The following NIPAL3 variants were observed in gnomAD, a reference collection of about 807,000 sequenced individuals.
The protein encoded by NIPAL3 is NIPA like domain containing 3, also known as NIPA-like protein 3.
A neutral mutation model predicts 47.2 loss-of-function variants in NIPAL3; 41 were observed. The ratio of observed to expected loss-of-function variants is 0.87; its 90% CI spans 0.68 to 1.13. The LOEUF (loss-of-function observed/expected upper bound fraction) is 1.13, where lower values mean the gene tolerates loss of function less well. NIPAL3 is among the 50% of genes most tolerant of loss of function. The probability of loss-of-function intolerance (pLI) is 0.00; values close to 1 mark genes in which losing one functional copy is unlikely to be tolerated. For missense variants in NIPAL3, 449 were observed against 530.1 expected, an observed-to-expected ratio of 0.85 and a Z score of 1.50; for synonymous variants, 194 against 209.6, an observed-to-expected ratio of 0.93 and a Z score of 0.64.
chr1:24,437,480 C>T (rs1474837594), intron 2 of NIPAL3, among the ~76,000 whole-genome samples: 1 of 152,158 alleles, frequency 6.6e-6, no homozygotes, highest in Non-Finnish European at 1.5e-5. Flanking sequence ...ATAAACATGT[C>T]CCAAAATGCT....
At chr1:24,413,929 G>A (rs1318696138), upstream of NIPAL3, 2 of 152,214 alleles carry the variant, frequency 1.3e-5, no homozygotes, top group African/African-American at 4.8e-5. Context: ...CTAATAAGAG[G>A]TTTATCTAGG....
At chr1:24,425,298 CATT>C (rs1429143397) in intron 2 of NIPAL3, among the ~76,000 whole-genome samples, 1 of 148,778 alleles carries the variant, frequency 6.7e-6, no homozygotes, top group African/African-American at 2.5e-5. Context: ...TTTCTTAAAA[CATT>C]ATGAGATTTT....
At chr1:24,463,005 AC>A (rs1240000085) in intron 10 of NIPAL3, among the ~76,000 whole-genome samples, 1 of 151,598 alleles carries the variant, frequency 6.6e-6, no homozygotes, top group African/African-American at 2.4e-5. Flanking sequence ...TACTAAAAAT[AC>A]AAAATACAAA....
chr1:24,469,083 G>A lies in NIPAL3; in HGVS notation c.1119G>A (p.Glu373=). The A allele has an allele frequency of 6.2e-7, 1 of 1,614,122 alleles. No individual in the cohort carries two copies. Among genetic ancestry groups the A allele is most frequent in the Non-Finnish European group, 8.5e-7 (1 of 1,180,026 alleles). The change falls in exon 12 of 12, where the codon GAG becomes GAA. Residue 373 remains glutamate, a synonymous_variant. Transcript: ENST00000374399. ...GALENNDNIS[E]IYAPATLPVM... is the part of the protein sequence containing the mutation. ...TGGAAAACAATGACAACATTTCTGAGATCTACGCTCCTGCCACCCTGCCAG... is the reference window on the plus strand; with the variant it reads ...TGGAAAACAATGACAACATTTCTGAAATCTACGCTCCTGCCACCCTGCCAG...
chr1:24,466,947 C>T (rs1284201155), intron 11 of NIPAL3, among the ~76,000 whole-genome samples: 1 of 152,182 alleles, frequency 6.6e-6, no homozygotes, highest in African/African-American at 2.4e-5. Flanking sequence ...TGGGTCTTCC[C>T]AGGCCATTTG....
intron 2 of NIPAL3, among the ~76,000 whole-genome samples, chr1:24,430,290 T>TGGAGTGCA (rs71032814): frequency 0.31 from 46,652 of 150,174 alleles, 8,360 homozygotes; most frequent in African/African-American, 0.5. Flanking sequence ...TTGCCCAGGC[T>TGGAGTGCA]GGAGTGCAGG....
chr1:24,442,193 C>T lies in NIPAL3; in HGVS notation c.301C>T (p.Leu101Phe), dbSNP rs753570290. The T allele has an allele frequency of 1.9e-6, 3 of 1,614,140 alleles. No homozygotes were observed. The highest frequency in any genetic ancestry group is 2.2e-5 in the East Asian group (1 of 44,888). ...FASYAFAPLSLIVPLSAVSVI... is the reference protein window; with the variant it reads ...FASYAFAPLSFIVPLSAVSVI... Reference sequence around the variant, plus strand: ...CTCCTACGCCTTCGCGCCGCTGTCACTCATCGTGCCCCTCAGCGCAGTTTC... The same window carrying T: ...CTCCTACGCCTTCGCGCCGCTGTCATTCATCGTGCCCCTCAGCGCAGTTTC... Residue 101 changes from leucine to phenylalanine, a missense_variant, in exon 4 of 12, where the codon CTC becomes TTC. Leu to Phe is a conservative substitution (Grantham distance 22). Coordinates refer to ENST00000374399, the MANE Select transcript of NIPAL3 (RefSeq NM_020448.5).
Position 24,442,220 on chromosome 1 carries a change from G to A in NIPAL3, c.328G>A (p.Val110Met), listed in dbSNP as rs768845240. 1.2e-6 allele frequency: 2 copies of A among 1,613,710 alleles called. No individual in the cohort carries two copies. Among genetic ancestry groups the A allele is most frequent in the East Asian group, 2.2e-5 (1 of 44,890 alleles). Residue 110 changes from valine to methionine, a missense_variant, in exon 4 of 12, where the codon GTG becomes ATG. Transcript: ENST00000374399. ...SLIVPLSAVS[V>M]IASAIIGIIF... The stretch of plus-strand genomic sequence containing the variant: ...CATCGTGCCCCTCAGCGCAGTTTCT[G>A]TGATAGGTAAGACCAGGGCTGCCCC...
chr1:24,466,328 A>C, intron 11 of NIPAL3: 1 of 351,096 alleles, frequency 2.8e-6, no homozygotes, highest in Non-Finnish European at 5.2e-6. Flanking sequence ...AAATAAATAA[A>C]AGAACACAAA....
chr1:24,465,876 T>C, intron 11 of NIPAL3: 1 of 1,370,008 alleles, frequency 7.3e-7, no homozygotes, highest in Non-Finnish European at 9.6e-7. Flanking sequence ...TTCACACACT[T>C]GTTTGACCTG....
In NIPAL3 at chr1:24,416,211, C is replaced by A; in HGVS notation, c.-258+307C>A. The A allele has an allele frequency of 1.0e-6, 1 of 985,634 alleles. No homozygotes were observed. The highest frequency in any genetic ancestry group is 1.2e-6 in the Non-Finnish European group (1 of 830,148). The allele number at this position is 985,634 out of a possible 1,614,324, so 61.1% of individuals were successfully genotyped here. Reference sequence around the variant, plus strand: ...CCGAGCGGCTCGGGCTTCCTGGCGGCAGCAGATGGTGGAGTTAGCAGGTGG... The same window carrying A: ...CCGAGCGGCTCGGGCTTCCTGGCGGAAGCAGATGGTGGAGTTAGCAGGTGG... On this transcript the variant is annotated intron_variant, in intron 1 of 11. Transcript: ENST00000374399. This position sits in a 1 kb window ranked among gnomAD's most constrained non-coding sequence, Gnocchi z 4.8.
At chr1:24,415,801 T>C, upstream of NIPAL3, 1 of 981,750 alleles carries the variant, frequency 1.0e-6, no homozygotes, top group Admixed American at 6.1e-5. Flanking sequence ...TTGGCAGCTC[T>C]GAATTGGGAA....
rs1005551624 is a variant in NIPAL3 at position 24,416,044 on chromosome 1, G to T, written c.-258+140G>T. On this transcript the variant is annotated intron_variant, in intron 1 of 11. Coordinates refer to ENST00000374399, the MANE Select transcript of NIPAL3 (RefSeq NM_020448.5). This position sits in a 1 kb window ranked among gnomAD's most constrained non-coding sequence, Gnocchi z 4.8. ...CACCAGCCTCGCCAACCTGGGTCCC[G>T]TTGCCTTGGAATGTTCTTTCCAGTT... The T allele has an allele frequency of 1.0e-5, 10 of 985,434 alleles. No homozygotes were observed. In the African/African-American group the frequency reaches 1.2e-4, roughly 12 times the overall value. 61.0% of individuals were successfully genotyped at this position (985,434 alleles called of 1,614,324 possible). A position where few individuals can be genotyped will look rare whatever the true frequency, so the allele number is the denominator to read the frequency against.
intron 2 of NIPAL3, among the ~76,000 whole-genome samples, chr1:24,430,764 C>CT (rs1362241017): frequency 6.6e-6 from 1 of 152,192 alleles, no homozygotes; most frequent in Admixed American, 6.5e-5. Context: ...ATGCCTGTAA[C>CT]TTTTTTCACC....
intron 2 of NIPAL3, among the ~76,000 whole-genome samples, chr1:24,424,204 G>A (rs1644468474): frequency 1.3e-5 from 2 of 152,186 alleles, no homozygotes; most frequent in Admixed American, 6.5e-5. Flanking sequence ...TGAGTTGACT[G>A]AAGTACTGGG....
chr1:24,434,865 AT>A (rs1309125351), intron 2 of NIPAL3, among the ~76,000 whole-genome samples: 1 of 152,224 alleles, frequency 6.6e-6, no homozygotes, highest in African/African-American at 2.4e-5. Context: ...AATGAAAAAA[AT>A]CACAAGGGAA....
At chr1:24,453,634 T>G in intron 7 of NIPAL3, 130 bp downstream of exon 7, 1 of 725,858 alleles carries the variant, frequency 1.4e-6, no homozygotes, top group Non-Finnish European at 2.3e-6. Flanking sequence ...TTGTTCTGTC[T>G]CCATCAGTGG....
Position 24,449,391 on chromosome 1 carries a change from G to A in NIPAL3, c.395-90G>A. ...CAATACCAGGTCATGGTATGTTGCA[G>A]GAGAAGCCTGTTTTTTCATGGCTGA... On this transcript the variant is annotated intron_variant, in intron 5 of 11. Coordinates refer to ENST00000374399, the MANE Select transcript of NIPAL3 (RefSeq NM_020448.5). The surrounding 1 kb of genome is among the most constrained non-coding windows in gnomAD (Gnocchi z 4.5). The A allele has an allele frequency of 7.1e-7, 1 of 1,414,696 alleles. No individual in the cohort carries two copies. The highest frequency in any genetic ancestry group is 1.9e-5 in the Admixed American group (1 of 52,200). The allele number at this position is 1,414,696 out of a possible 1,614,324, so 87.6% of individuals were successfully genotyped here.
Position 24,454,183 on chromosome 1 carries a change from T to C in NIPAL3, c.637+679T>C. On this transcript the variant is annotated intron_variant, in intron 7 of 11. Transcript: ENST00000374399. This position sits in a 1 kb window ranked among gnomAD's most constrained non-coding sequence, Gnocchi z 4.1. ...CCAGGATTACAGGCATGAGGCCCTG[T>C]ACCTGGCTAGAACTGCATATAATTT... 1 of 1,220,800 alleles carries C rather than the reference T, an allele frequency of 8.2e-7. No individual in the cohort carries two copies. Among genetic ancestry groups the C allele is most frequent in the Non-Finnish European group, 1.0e-6 (1 of 962,434 alleles). 75.6% of individuals were successfully genotyped at this position (1,220,800 alleles called of 1,614,324 possible).
Sources: allele counts gnomAD v4.1 joint callset (sites outside exome capture counted in the v4.1 genomes callset), GRCh38; gene constraint gnomAD v4.1.1; non-coding constraint Gnocchi (gnomAD v3.1); transcripts MANE v1.5; gene names NCBI Gene and HGNC (gene_info 2026-07-23, HGNC 2026-07-21).